The following DES variants were observed in gnomAD, a reference collection of about 807,000 sequenced individuals.
DES encodes cardiomyopathy, dilated 1F (autosomal dominant).
In DES, 34 loss-of-function variants were observed where a neutral mutation model predicts 55.1. That is an observed-to-expected ratio of 0.62 (90% CI 0.47 to 0.82). DES has a LOEUF of 0.82. DES is among the 40% of genes least tolerant of loss of function. The pLI is 0.00. For missense variants in DES, 596 were observed against 645.9 expected, an observed-to-expected ratio of 0.92 and a Z score of 0.84; for synonymous variants, 259 against 270.8, an observed-to-expected ratio of 0.96 and a Z score of 0.43.
At chr2:219,422,482 T>TTTTTTTA (rs1954463911) in intron 6 of DES, among the ~76,000 whole-genome samples, 1 of 148,762 alleles carries the variant, frequency 6.7e-6, no homozygotes, top group Non-Finnish European at 1.5e-5. Context: ...TTTTTTTTTT[T>TTTTTTTA]GAGACAGAGT....
Position 219,420,501 on chromosome 2 carries a change from C to A in DES, c.742C>A (p.Arg248Ser). ...GCCCAGTCATGCCCTACAGGAGATC[C>A]GTGAGTTGCAGGCTCAGCTTCAGGA... is the stretch of plus-strand genomic sequence containing the variant. ...FLKKVHEEEIRELQAQLQEQQ... is the reference protein window; with the variant it reads ...FLKKVHEEEISELQAQLQEQQ... The change falls in exon 4 of 9, where the codon CGT becomes AGT. Residue 248 changes from arginine to serine, a missense_variant. By Grantham distance (110) the Arg-to-Ser change is moderately radical. Coordinates refer to ENST00000373960, the MANE Select transcript of DES (RefSeq NM_001927.4). This position sits in a 1 kb window ranked among gnomAD's most constrained non-coding sequence, Gnocchi z 6.0. The A allele has an allele frequency of 6.2e-7, 1 of 1,613,902 alleles. No individual in the cohort carries two copies.
Position 219,423,769 on chromosome 2 carries a change from C to T in DES, c.1245-8C>T. 1 of 1,613,678 alleles carries T rather than the reference C, an allele frequency of 6.2e-7. No individual in the cohort carries two copies. Among genetic ancestry groups the T allele is most frequent in the Non-Finnish European group, 8.5e-7 (1 of 1,179,708 alleles). ...AACTCTTAGGAGGTTTTGTCTCTTCCCTTTTAGGATCAATCTCCCCATCCA... is the reference window on the plus strand; with the variant it reads ...AACTCTTAGGAGGTTTTGTCTCTTCTCTTTTAGGATCAATCTCCCCATCCA... On this transcript the variant is annotated splice_polypyrimidine_tract_variant and splice_region_variant and intron_variant, in intron 6 of 8. Transcript: ENST00000373960.
intron 6 of DES, 60 bp from the exon 7 acceptor site, chr2:219,423,717 C>T (rs1219114911): frequency 6.4e-7 from 1 of 1,561,232 alleles, no homozygotes; most frequent in South Asian, 1.1e-5. Flanking sequence ...GGGATTACAG[C>T]TGGGCCCGGC....
chr2:219,422,481 T>TTTTTTTTTTA (rs386392675), intron 6 of DES, among the ~76,000 whole-genome samples: 3 of 148,586 alleles, frequency 2.0e-5, no homozygotes, highest in African/African-American at 7.5e-5. Context: ...TTTTTTTTTT[T>TTTTTTTTTTA]TGAGACAGAG....
chr2:219,425,406 C>A, intron 7 of DES: 1 of 508,710 alleles, frequency 2.0e-6, no homozygotes, highest in Non-Finnish European at 3.6e-6. Flanking sequence ...CCTCCTGCAC[C>A]ATCCTGCACA....
In DES at chr2:219,426,317, C is replaced by G; in HGVS notation, c.*327C>G. ...CCACCTCTGTGACCTCAGGCACTAG[C>G]CTTTGGCTCTGGAGACAGCCCCAGA... On this transcript the variant is annotated 3_prime_UTR_variant, in exon 9 of 9. Coordinates refer to ENST00000373960, the MANE Select transcript of DES (RefSeq NM_001927.4). The surrounding 1 kb of genome is among the most constrained non-coding windows in gnomAD (Gnocchi z 4.5). 2 of 509,764 alleles carry G rather than the reference C, an allele frequency of 3.9e-6. No homozygotes were observed. The highest frequency in any genetic ancestry group is 7.2e-6 in the Non-Finnish European group (2 of 278,772). The allele number at this position is 509,764 out of a possible 1,614,324, so 31.6% of individuals were successfully genotyped here.
Position 219,420,547 on chromosome 2 carries a change from T to A in DES, c.788T>A (p.Met263Lys). 1 of 1,613,902 alleles carries A rather than the reference T, an allele frequency of 6.2e-7. No individual in the cohort carries two copies. Among genetic ancestry groups the A allele is most frequent in the Non-Finnish European group, 8.5e-7 (1 of 1,180,008 alleles). Residue 263 changes from methionine to lysine, a missense_variant, in exon 4 of 9, where the codon ATG (methionine) becomes AAG (lysine). Transcript: ENST00000373960. The surrounding 1 kb of genome is among the most constrained non-coding windows in gnomAD (Gnocchi z 6.0). ...CAGGAACAGCAGGTCCAGGTGGAGA[T>A]GGACATGTCTAAGCCAGACCTCACT... ...QLQEQQVQVE[M>K]DMSKPDLTAA...
chr2:219,422,961 G>T (rs546777853), intron 6 of DES, among the ~76,000 whole-genome samples: 8 of 152,058 alleles, frequency 5.3e-5, no homozygotes, highest in African/African-American at 1.9e-4. Context: ...TTTTAAAAAG[G>T]AGCAGACATG....
intron 5 of DES, 103 bp downstream of exon 5, chr2:219,421,056 T>C (rs1954432005): frequency 2.7e-6 from 4 of 1,463,070 alleles, no homozygotes; most frequent in Non-Finnish European, 2.8e-6. Flanking sequence ...TGGGCCTTCA[T>C]CTACTTAAAT....
At position 219,420,269 on chromosome 2, in the gene DES, C is replaced by A; in HGVS notation, c.658C>A (p.Leu220Ile). ...CTCCCAGGACGTGGATGCAGCTACT[C>A]TAGCTCGCATTGACCTGGAGCGCAG... ...AFRADVDAAT[L>I]ARIDLERRIE... Residue 220 changes from leucine (L) to isoleucine (I), a missense_variant, in exon 3 of 9, where the codon CTA (leucine) becomes ATA (isoleucine). Transcript: ENST00000373960. This position sits in a 1 kb window ranked among gnomAD's most constrained non-coding sequence, Gnocchi z 6.0. 1 of 1,614,226 alleles carries A rather than the reference C, an allele frequency of 6.2e-7. No individual in the cohort carries two copies. Among genetic ancestry groups the A allele is most frequent in the Non-Finnish European group, 8.5e-7 (1 of 1,180,044 alleles).
chr2:219,420,081 T>C lies in DES; in HGVS notation c.579-14T>C. The C allele has an allele frequency of 1.2e-6, 2 of 1,614,116 alleles. No individual in the cohort carries two copies. The highest frequency in any genetic ancestry group is 1.7e-6 in the Non-Finnish European group (2 of 1,180,008). ...TCACCCGCAACTGTCTGTCTTTCTGTCTGTCCCACCCAGGCTGCAGGAGGA... is the reference window on the plus strand; with the variant it reads ...TCACCCGCAACTGTCTGTCTTTCTGCCTGTCCCACCCAGGCTGCAGGAGGA... On this transcript the variant is annotated splice_polypyrimidine_tract_variant and intron_variant, in intron 1 of 8. Transcript: ENST00000373960. The surrounding 1 kb of genome is among the most constrained non-coding windows in gnomAD (Gnocchi z 6.0).
At chr2:219,423,457 T>TTTG (rs1954479317) in intron 6 of DES, among the ~76,000 whole-genome samples, 1 of 150,074 alleles carries the variant, frequency 6.7e-6, no homozygotes. Context: ...TTTTTTTTTT[T>TTTG]GAGACAGGGT....
rs577691261 is a variant in DES at position 219,420,189 on chromosome 2, T to C, written c.639+34T>C. On this transcript the variant is annotated intron_variant, in intron 2 of 8. Coordinates refer to ENST00000373960, the MANE Select transcript of DES (RefSeq NM_001927.4). This position sits in a 1 kb window ranked among gnomAD's most constrained non-coding sequence, Gnocchi z 6.0. ...CCTTCTTTTCCCCTTGCATGGCCTC[T>C]GGCCTTGCTCTGCCCCACCTGGGTG... is the stretch of plus-strand genomic sequence containing the variant. 4.3e-6 allele frequency: 7 copies of C among 1,613,794 alleles called. No individual in the cohort carries two copies. The African/African-American group carries it at 6.7e-5, about 15-fold the overall frequency.
Position 219,418,725 on chromosome 2 carries a change from T to G in DES, c.263T>G (p.Leu88Arg). The change falls in exon 1 of 9, where the codon CTG becomes CGG. Residue 88 changes from leucine to arginine, a missense_variant. Leu to Arg is a moderately radical substitution (Grantham distance 102). Transcript: ENST00000373960. The stretch of plus-strand genomic sequence containing the variant: ...CCCTCCTCCTACGGCGCAGGCGAGC[T>G]GCTGGACTTCTCACTGGCCGACGCG... ...RTPSSYGAGE[L>R]LDFSLADAVN... 19 of 1,563,042 alleles carry G rather than the reference T, an allele frequency of 1.2e-5. No individual in the cohort carries two copies. Among genetic ancestry groups the G allele is most frequent in the South Asian group, 3.5e-5 (3 of 85,236 alleles).
rs113252016 is a variant in DES, at chr2:219,420,492, C to T, written c.736-3C>T. 6.2e-7 allele frequency: 1 copy of T among 1,613,926 alleles called. No homozygotes were observed. Among genetic ancestry groups the T allele is most frequent in the East Asian group, 2.2e-5 (1 of 44,864 alleles). Reference sequence around the variant, plus strand: ...GGGACTGAAGCCCAGTCATGCCCTACAGGAGATCCGTGAGTTGCAGGCTCA... The same window carrying T: ...GGGACTGAAGCCCAGTCATGCCCTATAGGAGATCCGTGAGTTGCAGGCTCA... On this transcript the variant is annotated splice_polypyrimidine_tract_variant and splice_region_variant and intron_variant, in intron 3 of 8. Transcript: ENST00000373960. This position sits in a 1 kb window ranked among gnomAD's most constrained non-coding sequence, Gnocchi z 6.0.
At chr2:219,421,175 T>A (rs549987194) in intron 5 of DES, among the ~76,000 whole-genome samples, 165 bp from the exon 6 acceptor site, 1 of 152,346 alleles carries the variant, frequency 6.6e-6, no homozygotes, top group Non-Finnish European at 1.5e-5. Context: ...GCAATGTTCC[T>A]TTGTATCTAT....
At chr2:219,425,585 C>T in intron 7 of DES, 78 bp from the exon 8 acceptor site, 2 of 1,309,260 alleles carry the variant, frequency 1.5e-6, no homozygotes, top group Non-Finnish European at 2.2e-6. Context: ...CCCAATGTGG[C>T]CCCAGATGGA....
Position 219,420,386 on chromosome 2 carries a change from G to T in DES, c.735+40G>T. 1 of 1,612,854 alleles carries T rather than the reference G, an allele frequency of 6.2e-7. No individual in the cohort carries two copies. Among genetic ancestry groups the T allele is most frequent in the South Asian group, 1.1e-5 (1 of 90,954 alleles). ...CTCTTCCTGGGGTCACTGGGCCATGGGGAAAGCAGCCGGAAAGTGGGGTTG... is the reference window on the plus strand; with the variant it reads ...CTCTTCCTGGGGTCACTGGGCCATGTGGAAAGCAGCCGGAAAGTGGGGTTG... On this transcript the variant is annotated intron_variant, in intron 3 of 8. Coordinates refer to ENST00000373960, the MANE Select transcript of DES (RefSeq NM_001927.4). The surrounding 1 kb of genome is among the most constrained non-coding windows in gnomAD (Gnocchi z 6.0).
Position 219,420,825 on chromosome 2 carries a change from T to G in DES, c.898-3T>G. 1 of 1,613,528 alleles carries G rather than the reference T, an allele frequency of 6.2e-7. No homozygotes were observed. The highest frequency in any genetic ancestry group is 8.5e-7 in the Non-Finnish European group (1 of 1,179,954). The stretch of plus-strand genomic sequence containing the variant: ...ATTTTTGGGCCCCTTTCTCTGCCCT[T>G]AGGTGTCAGACCTGACCCAGGCAGC... On this transcript the variant is annotated splice_region_variant and splice_polypyrimidine_tract_variant and intron_variant, in intron 4 of 8. Coordinates refer to ENST00000373960, the MANE Select transcript of DES (RefSeq NM_001927.4). This position sits in a 1 kb window ranked among gnomAD's most constrained non-coding sequence, Gnocchi z 6.0.
Sources: gnomAD v4.1 joint callset for allele counts (sites outside exome capture counted in the v4.1 genomes callset) on GRCh38, gnomAD v4.1.1 for gene constraint, Gnocchi (gnomAD v3.1) non-coding constraint, MANE v1.5 for transcripts, NCBI Gene and HGNC (gene_info 2026-07-23, HGNC 2026-07-21) for gene names.